The following BMS1 variants were observed in gnomAD, a reference collection of about 807,000 sequenced individuals.
BMS1 encodes BMS1 ribosome biogenesis factor, also known as ribosome biogenesis protein BMS1 homolog.
A neutral mutation model predicts 138.7 loss-of-function variants in BMS1; 53 were observed. The ratio of observed to expected loss-of-function variants is 0.38; its 90% CI spans 0.31 to 0.48. BMS1 has a LOEUF of 0.48. Ranked by LOEUF, BMS1 falls within the 20% of genes least tolerant of loss-of-function variation. BMS1 has a pLI of 0.97. For synonymous variants in BMS1, 504 were observed against 539.9 expected (o/e 0.93, Z 0.92); for missense variants, 1,360 against 1,565.5 (o/e 0.87, Z 2.22).
Position 42,815,219 on chromosome 10 carries a change from G to C in BMS1, c.2330-1380G>C, listed in dbSNP as rs79140875. Reference sequence around the variant, plus strand: ...AATGAGGACATATCATTATTCAGTAGATAATATTTACAACACCTACTTCCT... The same window carrying C: ...AATGAGGACATATCATTATTCAGTACATAATATTTACAACACCTACTTCCT... On this transcript the variant is annotated intron_variant, in intron 13 of 22. Transcript: ENST00000374518. Among the ~76,000 whole-genome samples the C allele has an allele frequency of 1.8e-4, 28 of 152,278 alleles. No individual in the cohort carries two copies. The South Asian group carries it at 5.4e-3, about 29-fold the overall frequency.
chr10:42,783,483 A>G (rs1372040854), intron 1 of BMS1, among the ~76,000 whole-genome samples: 1 of 152,238 alleles, frequency 6.6e-6, no homozygotes, highest in Admixed American at 6.5e-5. Context: ...AGTGCCTAGC[A>G]CATCGTAGAC....
rs145177013 is a variant in BMS1 at position 42,803,847 on chromosome 10, A to T, written c.2329+1629A>T. ...ATATACCATCACCACAATCAAAATA[A>T]TGAACACATTTGTCACCCCCACAGT... is the stretch of plus-strand genomic sequence containing the variant. On this transcript the variant is annotated intron_variant, in intron 13 of 22. Coordinates refer to ENST00000374518, the MANE Select transcript of BMS1 (RefSeq NM_014753.4). Among the ~76,000 whole-genome samples, 882 of 152,326 alleles carry T rather than the reference A, an allele frequency of 5.8e-3. 7 individuals carry two copies. Among genetic ancestry groups the T allele is most frequent in the African/African-American group, 0.021 (852 of 41,560 alleles).
rs1052363023 is a variant in BMS1 at position 42,784,344 on chromosome 10, C to G, written c.-33-18C>G. On this transcript the variant is annotated intron_variant, in intron 1 of 22. Coordinates refer to ENST00000374518, the MANE Select transcript of BMS1 (RefSeq NM_014753.4). ...AAATGCTTCTCCCATCTCCTTACCC[C>G]AACCTTCTTCCTTGTAGGTTAGAGT... 5 of 1,515,190 alleles carry G rather than the reference C, an allele frequency of 3.3e-6. No homozygotes were observed. The highest frequency in any genetic ancestry group is 4.4e-6 in the Non-Finnish European group (5 of 1,133,970). 93.9% of individuals were successfully genotyped at this position (1,515,190 alleles called of 1,614,324 possible).
chr10:42,816,179 A>G (rs944472280), intron 13 of BMS1, among the ~76,000 whole-genome samples: 10 of 152,066 alleles, frequency 6.6e-5, no homozygotes, highest in African/African-American at 2.4e-4. Flanking sequence ...GGTGCCTATA[A>G]TCCCAGCTAC....
At chr10:42,819,295 T>C (rs1039573930) in intron 15 of BMS1, among the ~76,000 whole-genome samples, 4 of 152,360 alleles carry the variant, frequency 2.6e-5, no homozygotes, top group East Asian at 3.9e-4. Flanking sequence ...TGTAGAACTT[T>C]CTGTGATCAT....
At chr10:42,788,385 A>G (rs1318113688) in intron 4 of BMS1, among the ~76,000 whole-genome samples, 1 of 152,178 alleles carries the variant, frequency 6.6e-6, no homozygotes, top group Non-Finnish European at 1.5e-5. Context: ...CATAATAGTT[A>G]TACATATTTA....
Position 42,833,639 on chromosome 10 carries a change from A to G in BMS1, c.*2543A>G, listed in dbSNP as rs1363913458. The G allele has an allele frequency of 2.0e-5, 3 of 152,252 alleles. No homozygotes were observed. The highest frequency in any genetic ancestry group is 6.5e-5 in the Admixed American group (1 of 15,284). 9.4% of individuals were successfully genotyped at this position (152,252 alleles called of 1,614,324 possible). On this transcript the variant is annotated 3_prime_UTR_variant, in exon 23 of 23. Transcript: ENST00000374518. ...AATACAGTATTGTGGAACCACTGCC[A>G]TATACGTGGTCCATCCTTGACTGAA...
rs1246592085 is a variant in BMS1 at position 42,834,628 on chromosome 10, GTTTTAT to G, written c.*3534_*3539del. 9 of 152,080 alleles carry G rather than the reference GTTTTAT, an allele frequency of 5.9e-5. No homozygotes were observed. The highest frequency in any genetic ancestry group is 2.2e-4 in the African/African-American group (9 of 41,378). 9.4% of individuals were successfully genotyped at this position (152,080 alleles called of 1,614,324 possible). ...TGTTGGACATTTAAATGCCAAAGGT[GTTTTAT>G]TATGAGACTTAGCATTTCATATTTG... On this transcript the variant is annotated 3_prime_UTR_variant, in exon 23 of 23. Transcript: ENST00000374518.
chr10:42,787,374 C>T (rs17159071), intron 4 of BMS1, 127 bp downstream of exon 4: 63,511 of 766,794 alleles, frequency 0.083, 3,051 homozygotes, highest in African/African-American at 0.12. Flanking sequence ...ATCAGTGATA[C>T]GGTAGATATG....
intron 14 of BMS1, among the ~76,000 whole-genome samples, chr10:42,817,069 T>C (rs948263474): frequency 1.3e-5 from 2 of 152,218 alleles, no homozygotes; most frequent in African/African-American, 2.4e-5. Flanking sequence ...ACGTCTGTTA[T>C]TTTTATTCTA....
chr10:42,797,851 T>A (rs1841738289), intron 11 of BMS1, among the ~76,000 whole-genome samples: 1 of 152,242 alleles, frequency 6.6e-6, no homozygotes, highest in Non-Finnish European at 1.5e-5. Context: ...TTTTTTTCCT[T>A]TCTGAGAATG....
chr10:42,810,162 T>C (rs1397865619), intron 13 of BMS1, among the ~76,000 whole-genome samples: 1 of 151,982 alleles, frequency 6.6e-6, no homozygotes, highest in African/African-American at 2.4e-5. Flanking sequence ...CACTTGATCA[T>C]GAATGAAAAT....
In BMS1 at chr10:42,831,474, C is replaced by A. The variant is rs1460025193; in HGVS notation, c.*378C>A. ...TTGTGGATAATTATTTATACTACCA[C>A]CTTCATGAGGAGTCTTCCAGAAGAG... On this transcript the variant is annotated 3_prime_UTR_variant, in exon 23 of 23. Transcript: ENST00000374518. 1 of 188,256 alleles carries A rather than the reference C, an allele frequency of 5.3e-6. No individual in the cohort carries two copies. The highest frequency in any genetic ancestry group is 1.4e-4 in the East Asian group (1 of 7,174). 11.7% of individuals were successfully genotyped at this position (188,256 alleles called of 1,614,324 possible).
At chr10:42,813,340 T>G (rs560030318) in intron 13 of BMS1, among the ~76,000 whole-genome samples, 2 of 152,328 alleles carry the variant, frequency 1.3e-5, no homozygotes, top group Admixed American at 1.3e-4. Context: ...ATTTGCTTTT[T>G]TGTTTCCTTT....
chr10:42,814,230 G>T (rs1054777415), intron 13 of BMS1, among the ~76,000 whole-genome samples: 5 of 152,056 alleles, frequency 3.3e-5, no homozygotes, highest in African/African-American at 1.2e-4. Flanking sequence ...ATAAATGCGG[G>T]GTCTTTTGTT....
Position 42,820,336 on chromosome 10 carries a change from C to G in BMS1, c.2681C>G (p.Pro894Arg). Reference protein sequence around the residue: ...MYVRIEIENVPCEFVQNFDPH... With the variant: ...MYVRIEIENVRCEFVQNFDPH... The stretch of plus-strand genomic sequence containing the variant: ...GTCCGCATTGAGATTGAAAATGTTC[C>G]CTGTGAATTTGTGCAGAACTTTGAC... The change falls in exon 16 of 23, where the codon CCC (proline) becomes CGC (arginine). Residue 894 changes from proline (P) to arginine (R), a missense_variant. Transcript: ENST00000374518. The G allele has an allele frequency of 6.2e-7, 1 of 1,613,628 alleles. No individual in the cohort carries two copies. Among genetic ancestry groups the G allele is most frequent in the Non-Finnish European group, 8.5e-7 (1 of 1,179,856 alleles).
intron 21 of BMS1, among the ~76,000 whole-genome samples, chr10:42,825,711 T>C (rs565041669): frequency 6.6e-6 from 1 of 152,360 alleles, no homozygotes; most frequent in East Asian, 1.9e-4. Flanking sequence ...GTTTTTTATG[T>C]AAAGGATCTT....
Position 42,796,690 on chromosome 10 carries a change from C to T in BMS1, c.1446C>T (p.Gly482=). 6.2e-7 allele frequency: 1 copy of T among 1,614,054 alleles called. No individual in the cohort carries two copies. The highest frequency in any genetic ancestry group is 8.5e-7 in the Non-Finnish European group (1 of 1,180,020). Residue 482 remains glycine (G), a synonymous_variant, in exon 10 of 23, where the codon GGC becomes GGT. Transcript: ENST00000374518. The part of the protein sequence containing the change: ...EMTDQYMAVK[G]IKRRKLELEE... Reference sequence around the variant, plus strand: ...CTGATCAGTATATGGCTGTTAAGGGCATCAAACGACGGAAACTTGAGTTGG... The same window carrying T: ...CTGATCAGTATATGGCTGTTAAGGGTATCAAACGACGGAAACTTGAGTTGG...
At chr10:42,792,149 A>T (rs7923121) in intron 6 of BMS1, among the ~76,000 whole-genome samples, 14,957 of 151,818 alleles carry the variant, frequency 0.099, 876 homozygotes, top group African/African-American at 0.14. Flanking sequence ...CCCTTTTTCC[A>T]CCTGCCAGAA....
Sources: allele counts gnomAD v4.1 joint callset (sites outside exome capture counted in the v4.1 genomes callset), GRCh38; gene constraint gnomAD v4.1.1; transcripts MANE v1.5; gene names NCBI Gene and HGNC (gene_info 2026-07-23, HGNC 2026-07-21).